The following SMG6 variants were observed in gnomAD, a reference collection of about 807,000 sequenced individuals.
The protein encoded by SMG6 is telomerase-binding protein EST1A.
A neutral mutation model predicts 142.2 loss-of-function variants in SMG6; 66 were observed. The ratio of observed to expected loss-of-function variants is 0.46; its 90% CI spans 0.38 to 0.57. SMG6 has a LOEUF of 0.57. SMG6 is among the 20% of genes least tolerant of loss of function. The probability of loss-of-function intolerance (pLI) is 0.00; values close to 1 mark genes in which losing one functional copy is unlikely to be tolerated. For missense variants in SMG6, 1,793 were observed against 1,832.0 expected, an observed-to-expected ratio of 0.98 and a Z score of 0.39; for synonymous variants, 779 against 702.4, an observed-to-expected ratio of 1.11 and a Z score of -1.72.
At chr17:2,113,859 A>T (rs749419003) in intron 13 of SMG6, among the ~76,000 whole-genome samples, 2 of 152,260 alleles carry the variant, frequency 1.3e-5, no homozygotes, top group African/African-American at 2.4e-5. Context: ...TGAAGTAACA[A>T]ACCCATGCAT....
chr17:2,206,026 C>T (rs976398973), intron 10 of SMG6, among the ~76,000 whole-genome samples: 2 of 152,086 alleles, frequency 1.3e-5, no homozygotes, highest in African/African-American at 2.4e-5. Context: ...CCAGGCTGGT[C>T]TCAAACTCCT....
chr17:2,303,663 C>A lies in SMG6; in HGVS notation c.58G>T (p.Ala20Ser), dbSNP rs1198318780. ...CTCCCGGCCTGCGGGGCCAGAGTAGCCAGGATCCCGCGCAGCTCCGACGCG... is the reference window on the plus strand; with the variant it reads ...CTCCCGGCCTGCGGGGCCAGAGTAGACAGGATCCCGCGCAGCTCCGACGCG... ...ISASELRGILATLAPQAGSRE... is the reference protein window; with the variant it reads ...ISASELRGILSTLAPQAGSRE... Residue 20 changes from alanine (A) to serine (S), a missense_variant, in exon 1 of 19, where the codon GCT (alanine) becomes TCT (serine). This residue lies in a region of SMG6 where 1,597 missense variants were observed against 1,584.6 expected (regional missense o/e 1.01). Transcript: ENST00000263073. The A allele has an allele frequency of 1.3e-6, 2 of 1,493,092 alleles. No individual in the cohort carries two copies. Among genetic ancestry groups the A allele is most frequent in the East Asian group, 2.9e-5 (1 of 34,472 alleles). 92.5% of individuals were successfully genotyped at this position (1,493,092 alleles called of 1,614,324 possible). A position where few individuals can be genotyped will look rare whatever the true frequency, so the allele number is the denominator to read the frequency against.
rs71150850 is a variant in SMG6, at chr17:2,121,587, CTGTGTGTGTGTGTGTGTGTGTGTG to C, written c.3358-35710_3358-35687del. 3.6e-4 allele frequency among the ~76,000 whole-genome samples: 50 copies of C among 139,876 alleles called. 1 individual carries two copies. Among genetic ancestry groups the C allele is most frequent in the Middle Eastern group, 7.2e-3 (2 of 278 alleles). The allele number at this position is 139,876 out of a possible 152,430, so 91.8% of individuals were successfully genotyped here. A position where few individuals can be genotyped will look rare whatever the true frequency, so the allele number is the denominator to read the frequency against. On this transcript the variant is annotated intron_variant, in intron 13 of 18. Transcript: ENST00000263073. ...TATATGTATATATGTACATGTCTGTCTGTGTGTGTGTGTGTGTGTGTGTGTGTGTGTGTGTGTGTGTGTGTGTGT... is the reference window on the plus strand; with the variant it reads ...TATATGTATATATGTACATGTCTGTCTGTGTGTGTGTGTGTGTGTGTGTGT...
At chr17:2,289,391 T>C (rs986441547) in intron 6 of SMG6, among the ~76,000 whole-genome samples, 20 of 151,708 alleles carry the variant, frequency 1.3e-4, no homozygotes, top group African/African-American at 4.8e-4. Flanking sequence ...ATCCTGTCTA[T>C]ACAAAAAATC....
At chr17:2,173,387 G>A (rs1343324275) in intron 12 of SMG6, among the ~76,000 whole-genome samples, 3 of 152,060 alleles carry the variant, frequency 2.0e-5, no homozygotes, top group African/African-American at 4.8e-5. Flanking sequence ...ATATAGGCAG[G>A]CAATCAATCA....
rs199905526 is a variant in SMG6 at position 2,300,608 on chromosome 17, G to C, written c.145C>G (p.Leu49Val). Residue 49 changes from leucine to valine, a missense_variant, in exon 2 of 19, where the codon CTG becomes GTG. By Grantham distance (32) the Leu-to-Val change is conservative. Around this residue, in one of 3 missense-constraint regions of SMG6, gnomAD observed 1,597 missense variants for 1,584.6 expected, o/e 1.01. Transcript: ENST00000263073. ...RPRKDNRRPD[L>V]EIYKPGLSRL... ...GAAAGGCCAGGCTTATAGATTTCCA[G>C]ATCTGGACGCCTGTTATCTTTGCGC... 59 of 1,612,408 alleles carry C rather than the reference G, an allele frequency of 3.7e-5. No individual in the cohort carries two copies. Among genetic ancestry groups the C allele is most frequent in the Non-Finnish European group, 6.8e-6 (8 of 1,179,466 alleles).
chr17:2,081,177 T>C (rs931358399), intron 15 of SMG6, among the ~76,000 whole-genome samples: 1 of 152,140 alleles, frequency 6.6e-6, no homozygotes, highest in Non-Finnish European at 1.5e-5. Context: ...GCCTCTTCCC[T>C]GTCTGCCCCG....
intron 9 of SMG6, among the ~76,000 whole-genome samples, chr17:2,242,904 C>A (rs1231698481): frequency 6.6e-6 from 1 of 152,114 alleles, no homozygotes; most frequent in Non-Finnish European, 1.5e-5. Flanking sequence ...TAGAATACTA[C>A]ATATTTCTCT....
chr17:2,230,045 G>A (rs1161977039), intron 10 of SMG6, among the ~76,000 whole-genome samples: 1 of 151,106 alleles, frequency 6.6e-6, no homozygotes, highest in East Asian at 1.9e-4. Flanking sequence ...AATTAGCCGG[G>A]TGTGGTGGCC....
At chr17:2,277,157 A>ATTTTTTTT (rs2074670932) in intron 8 of SMG6, among the ~76,000 whole-genome samples, 2 of 97,070 alleles carry the variant, frequency 2.1e-5, no homozygotes, top group African/African-American at 4.2e-5. Context: ...TTATTTATTT[A>ATTTTTTTT]TTTATTTATT....
At position 2,283,654 on chromosome 17, in the gene SMG6, T is replaced by C; in HGVS notation, c.2419A>G (p.Met807Val). Residue 807 changes from methionine to valine, a missense_variant, in exon 7 of 19, where the codon ATG becomes GTG. Met to Val is a conservative substitution (Grantham distance 21, BLOSUM62 1). This residue lies in a region of SMG6 where 1,597 missense variants were observed against 1,584.6 expected (regional missense o/e 1.01). Transcript: ENST00000263073. The part of the protein sequence containing the change: ...NPILTAKESL[M>V]SLFEETKRKA... Reference sequence around the variant, plus strand: ...CGCTTGGTCTCTTCAAACAAGCTCATGAGACTCTCCTTGGCAGTCAGGATA... The same window carrying C: ...CGCTTGGTCTCTTCAAACAAGCTCACGAGACTCTCCTTGGCAGTCAGGATA... The C allele has an allele frequency of 1.2e-6, 2 of 1,612,088 alleles. No homozygotes were observed. Among genetic ancestry groups the C allele is most frequent in the Non-Finnish European group, 1.7e-6 (2 of 1,178,154 alleles).
In SMG6 at chr17:2,189,705, A is replaced by AAC. The variant is rs543219792; in HGVS notation, c.2870-1192_2870-1191dup. On this transcript the variant is annotated intron_variant, in intron 10 of 18. Coordinates refer to ENST00000263073, the MANE Select transcript of SMG6 (RefSeq NM_017575.5). ...GTTGTTACTCCAGGAGACAATACCC[A>AAC]ACCACAGTGATTCCTTACCATCTTT... 1.1e-3 allele frequency among the ~76,000 whole-genome samples: 160 copies of AAC among 152,268 alleles called. 1 individual carries two copies. The highest frequency in any genetic ancestry group is 3.6e-3 in the African/African-American group (151 of 41,552).
At chr17:2,080,400 AC>A (rs200167885) in intron 15 of SMG6, among the ~76,000 whole-genome samples, 2,763 of 152,328 alleles carry the variant, frequency 0.018, 89 homozygotes, top group African/African-American at 0.064. Context: ...CCTGGGCAAC[AC>A]AGCGAGACTC....
chr17:2,118,054 G>A (rs1423394771), intron 13 of SMG6, among the ~76,000 whole-genome samples: 4 of 152,024 alleles, frequency 2.6e-5, no homozygotes, highest in Non-Finnish European at 5.9e-5. Context: ...AGCAGCCTGG[G>A]AAACATAGTG....
At chr17:2,091,814 G>A (rs1597371614) in intron 13 of SMG6, among the ~76,000 whole-genome samples, 1 of 150,404 alleles carries the variant, frequency 6.6e-6, no homozygotes, top group African/African-American at 2.4e-5. Context: ...GGGACTACAG[G>A]CACCCGCCAC....
At chr17:2,218,754 T>C (rs1296829540) in intron 10 of SMG6, among the ~76,000 whole-genome samples, 1 of 151,230 alleles carries the variant, frequency 6.6e-6, no homozygotes, top group African/African-American at 2.4e-5. Flanking sequence ...TCACTCAGAG[T>C]GATGTATAAA....
At chr17:2,206,645 C>T (rs915992987) in intron 10 of SMG6, among the ~76,000 whole-genome samples, 1 of 152,004 alleles carries the variant, frequency 6.6e-6, no homozygotes, top group Non-Finnish European at 1.5e-5. Flanking sequence ...CTTTAGGAGG[C>T]CAAGGCAGGC....
At chr17:2,095,201 C>G (rs2068824911) in intron 13 of SMG6, 1 of 152,248 alleles carries the variant, frequency 6.6e-6, no homozygotes, top group Admixed American at 6.5e-5. Context: ...GATGAAAGTC[C>G]TCCCGTCTGT....
intron 8 of SMG6, among the ~76,000 whole-genome samples, chr17:2,246,360 G>T (rs1169960101): frequency 6.6e-6 from 1 of 152,196 alleles, no homozygotes. Flanking sequence ...AGTATCGCTG[G>T]GCAGTCTGCC....
Sources: allele counts gnomAD v4.1 joint callset (sites outside exome capture counted in the v4.1 genomes callset), GRCh38; gene constraint gnomAD v4.1.1; regional missense constraint gnomAD v4.1.1; transcripts MANE v1.5; gene names NCBI Gene and HGNC (gene_info 2026-07-23, HGNC 2026-07-21).